Variants in CEP128 observed in about 807,000 individuals in gnomAD.
CEP128 encodes the protein centrosomal protein 128kDa.
A neutral mutation model predicts 156.7 loss-of-function variants in CEP128; 132 were observed. The observed-to-expected ratio is 0.84, with a 90% CI of 0.73 to 0.97. The LOEUF is 0.97. CEP128 is among the 50% of genes least tolerant of loss of function. The pLI is 0.00. For missense variants in CEP128, 1,252 were observed against 1,281.9 expected (o/e 0.98, Z 0.36); for synonymous variants, 469 against 448.9 (o/e 1.04, Z -0.57).
At chr14:80,944,817 T>C (rs1446296971), upstream of CEP128, among the ~76,000 whole-genome samples, 1 of 64,774 alleles carries the variant, frequency 1.5e-5, no homozygotes, top group Non-Finnish European at 2.8e-5. Flanking sequence ...GTCAAGAGTC[T>C]GTCTCAAAAA....
At chr14:80,507,767 G>A (rs139905562) in intron 23 of CEP128, among the ~76,000 whole-genome samples, 47 of 152,112 alleles carry the variant, frequency 3.1e-4, no homozygotes, top group African/African-American at 9.6e-4. Context: ...TTCAAAATGC[G>A]CCTACCAGAG....
chr14:80,875,523 A>T (rs375787167), intron 8 of CEP128, among the ~76,000 whole-genome samples: 14 of 152,358 alleles, frequency 9.2e-5, no homozygotes, highest in African/African-American at 2.6e-4. Context: ...AAACAGACAC[A>T]TTGAAGATCT....
chr14:80,506,282 C>A lies in CEP128; in HGVS notation c.3073-1262G>T, dbSNP rs1887966717. 1.3e-5 allele frequency among the ~76,000 whole-genome samples: 2 copies of A among 150,260 alleles called. 1 individual carries two copies. Among genetic ancestry groups the A allele is most frequent in the South Asian group, 4.2e-4 (2 of 4,750 alleles). On this transcript the variant is annotated intron_variant, in intron 23 of 24. Transcript: ENST00000555265. ...GACCCCACAGCTTAGGTACACTGAG[C>A]CTGGGGGAAGCGATTACAGTGAGGT...
At chr14:80,478,524 T>C (rs1333598058) in intron 14 of CEP128, 1 of 152,238 alleles carries the variant, frequency 6.6e-6, no homozygotes, top group Non-Finnish European at 1.5e-5. Flanking sequence ...CAACATATAC[T>C]GTCTGCATTC....
In CEP128 at chr14:80,542,754, C is replaced by G. The variant is rs142874860; in HGVS notation, c.2881-11868G>C. Among the ~76,000 whole-genome samples, 5 of 152,278 alleles carry G rather than the reference C, an allele frequency of 3.3e-5. No homozygotes were observed. The East Asian group carries it at 9.7e-4, about 29-fold the overall frequency. On this transcript the variant is annotated intron_variant, in intron 21 of 24. Coordinates refer to ENST00000555265, the MANE Select transcript of CEP128 (RefSeq NM_152446.5). ...AAGCCCTGGCCCCAAGTCCTCAAGA[C>G]ACCCTCAAGTAGGTAATCACATTTG...
intron 13 of CEP128, among the ~76,000 whole-genome samples, chr14:80,809,320 A>G (rs1490424563): frequency 6.6e-6 from 1 of 152,168 alleles, no homozygotes; most frequent in Non-Finnish European, 1.5e-5. Context: ...TGATTCAATC[A>G]GAATTTTAAA....
At chr14:80,486,871 G>A (rs1271011652), downstream of CEP128, among the ~76,000 whole-genome samples, 1 of 152,042 alleles carries the variant, frequency 6.6e-6, no homozygotes, top group East Asian at 1.9e-4. Context: ...AGCTCCTGAA[G>A]GAAGCACTAA....
intron 19 of CEP128, among the ~76,000 whole-genome samples, chr14:80,660,825 C>CAG (rs1895368972): frequency 6.6e-6 from 1 of 152,174 alleles, no homozygotes; most frequent in Non-Finnish European, 1.5e-5. Flanking sequence ...GCTATCCTGT[C>CAG]TCTTCAGCAC....
At chr14:80,571,148 C>T (rs1202421189) in intron 20 of CEP128, among the ~76,000 whole-genome samples, 1 of 152,146 alleles carries the variant, frequency 6.6e-6, no homozygotes, top group Admixed American at 6.5e-5. Flanking sequence ...TAATATTGTG[C>T]AGCTAAATGA....
rs376677157 is a variant in CEP128 at position 80,659,594 on chromosome 14, G to A, written c.2807-79171C>T. Among the ~76,000 whole-genome samples, 3 of 152,252 alleles carry A rather than the reference G, an allele frequency of 2.0e-5. 1 individual carries two copies. In the East Asian group the frequency reaches 5.8e-4, roughly 29 times the overall value. On this transcript the variant is annotated intron_variant, in intron 19 of 24. Coordinates refer to ENST00000555265, the MANE Select transcript of CEP128 (RefSeq NM_152446.5). ...AGTTGAGAGTTCGCCCACTTTAAAAGTTTGAAGTTATTACACCAACTAAAA... is the reference window on the plus strand; with the variant it reads ...AGTTGAGAGTTCGCCCACTTTAAAAATTTGAAGTTATTACACCAACTAAAA...
chr14:80,939,408 G>C lies in CEP128; in HGVS notation c.-39C>G, dbSNP rs1203904625. The C allele has an allele frequency of 6.6e-6, 1 of 152,156 alleles. No homozygotes were observed. The highest frequency in any genetic ancestry group is 1.5e-5 in the Non-Finnish European group (1 of 68,036). The allele number at this position is 152,156 out of a possible 1,614,324, so 9.4% of individuals were successfully genotyped here. A position where few individuals can be genotyped will look rare whatever the true frequency, so the allele number is the denominator to read the frequency against. On this transcript the variant is annotated 5_prime_UTR_variant, in exon 2 of 25. Coordinates refer to ENST00000555265, the MANE Select transcript of CEP128 (RefSeq NM_152446.5). ...ACAAAGCACACCCCCAAAACTCCGA[G>C]TTGCTCTTCTCTGAGCTCAACGCTC...
chr14:80,497,515 T>A lies in CEP128; in HGVS notation c.3249A>T (p.Thr1083=). The A allele has an allele frequency of 1.2e-6, 2 of 1,613,482 alleles. No homozygotes were observed. Among genetic ancestry groups the A allele is most frequent in the Non-Finnish European group, 1.7e-6 (2 of 1,179,614 alleles). ...SNKEDATMNG[T]SSQPKKEEYG... Reference sequence around the variant, plus strand: ...ATTCCTCTTTTTTGGGTTGTGAACTTGTTCCATTCATTGTGGCATCTTCCT... The same window carrying A: ...ATTCCTCTTTTTTGGGTTGTGAACTAGTTCCATTCATTGTGGCATCTTCCT... Residue 1083 remains threonine, a synonymous_variant, in exon 25 of 25, where the codon ACA becomes ACT. Coordinates refer to ENST00000555265, the MANE Select transcript of CEP128 (RefSeq NM_152446.5).
At chr14:80,574,980 C>A (rs1891296441) in intron 20 of CEP128, among the ~76,000 whole-genome samples, 1 of 151,878 alleles carries the variant, frequency 6.6e-6, no homozygotes, top group South Asian at 2.1e-4. Context: ...AACAGCATGG[C>A]ACTAATGATA....
chr14:80,616,840 A>G (rs1893233506), intron 19 of CEP128, among the ~76,000 whole-genome samples: 1 of 152,234 alleles, frequency 6.6e-6, no homozygotes, highest in Non-Finnish European at 1.5e-5. Context: ...GGACATTTAG[A>G]GATCATGTAG....
chr14:80,894,559 AT>A (rs761115639), intron 8 of CEP128: 8 of 430,438 alleles, frequency 1.9e-5, no homozygotes, highest in Non-Finnish European at 3.2e-5. Flanking sequence ...CAAAAAAAAA[AT>A]ATATCTTGAT....
chr14:80,890,342 C>T (rs1320366900), intron 8 of CEP128, among the ~76,000 whole-genome samples: 2 of 152,154 alleles, frequency 1.3e-5, no homozygotes, highest in African/African-American at 4.8e-5. Context: ...TTTATTGCAG[C>T]ACTATTCACA....
chr14:80,920,439 A>G (rs889805622), intron 2 of CEP128, among the ~76,000 whole-genome samples: 1 of 152,230 alleles, frequency 6.6e-6, no homozygotes, highest in African/African-American at 2.4e-5. Context: ...ACTCAAAAAG[A>G]AAAGTACAAA....
At chr14:80,500,622 T>C (rs1887689968) in intron 24 of CEP128, among the ~76,000 whole-genome samples, 2 of 152,236 alleles carry the variant, frequency 1.3e-5, no homozygotes, top group Admixed American at 6.5e-5. Context: ...GAGTTTCTTG[T>C]CCTACCTCTC....
intron 23 of CEP128, among the ~76,000 whole-genome samples, chr14:80,522,977 C>T (rs921936889): frequency 6.6e-6 from 1 of 152,198 alleles, no homozygotes; most frequent in Non-Finnish European, 1.5e-5. Context: ...TGGTCCTGCT[C>T]AAAATCTTGA....
Sources: gnomAD v4.1 joint callset for allele counts (sites outside exome capture counted in the v4.1 genomes callset) on GRCh38, gnomAD v4.1.1 for gene constraint, MANE v1.5 for transcripts, NCBI Gene and HGNC (gene_info 2026-07-23, HGNC 2026-07-21) for gene names.